The following BDNF variants were observed in gnomAD, a reference collection of about 807,000 sequenced individuals.
The protein encoded by BDNF is brain derived neurotrophic factor.
In BDNF, 1 loss-of-function variant was observed where a neutral mutation model predicts 19.5. The ratio of observed to expected loss-of-function variants is 0.05; its 90% confidence interval spans 0.02 to 0.24. The LOEUF is 0.24. BDNF is among the 10% of genes least tolerant of loss of function. The pLI is 1.00. For missense variants in BDNF, 195 were observed against 317.6 expected (o/e 0.61, Z 2.93); for synonymous variants, 100 against 121.6 (o/e 0.82, Z 1.17).
chr11:27,697,374 C>T (rs563461854), intron 1 of BDNF: 1 of 152,208 alleles, frequency 6.6e-6, no homozygotes, highest in Admixed American at 6.5e-5. Flanking sequence ...CTTAAAGATT[C>T]CAGGAAAAAG....
intron 1 of BDNF, among the ~76,000 whole-genome samples, chr11:27,666,990 A>C (rs892253054): frequency 6.6e-6 from 1 of 152,238 alleles, no homozygotes; most frequent in Non-Finnish European, 1.5e-5. Context: ...AGTTGAAATG[A>C]AGGAAAAAAC....
exon 1 of BDNF, chr11:27,721,873 A>G (rs77559845): frequency 5.5e-6 from 1 of 180,902 alleles, no homozygotes; most frequent in East Asian, 1.4e-4. Flanking sequence ...AAAAAAAAAA[A>G]CTCAGCCTGC....
At chr11:27,690,719 T>G (rs1251103785) in intron 1 of BDNF, among the ~76,000 whole-genome samples, 1 of 152,198 alleles carries the variant, frequency 6.6e-6, no homozygotes, top group Non-Finnish European at 1.5e-5. Flanking sequence ...AAAATAGTAT[T>G]CACTAAACTG....
chr11:27,686,010 C>G (rs143739017), intron 1 of BDNF, among the ~76,000 whole-genome samples: 5 of 152,228 alleles, frequency 3.3e-5, no homozygotes, highest in East Asian at 3.9e-4. Flanking sequence ...AAGTCTCACA[C>G]TATTATTGTG....
intron 1 of BDNF, chr11:27,699,366 G>A (rs1043579355): frequency 9.9e-6 from 16 of 1,613,960 alleles, no homozygotes; most frequent in Middle Eastern, 1.7e-4. Flanking sequence ...TTTCTTTCCA[G>A]GAGTAACTCA....
At chr11:27,677,508 C>T (rs1856294187) in intron 1 of BDNF, 1 of 149,474 alleles carries the variant, frequency 6.7e-6, no homozygotes, top group East Asian at 2.0e-4. Flanking sequence ...TGCACTCCAG[C>T]CTGGGCGACA....
intron 1 of BDNF, among the ~76,000 whole-genome samples, chr11:27,664,086 C>T (rs995738278): frequency 1.3e-5 from 2 of 151,434 alleles, no homozygotes; most frequent in African/African-American, 2.4e-5. Context: ...TACCTGTGAG[C>T]GTGTAATCAG....
At chr11:27,713,075 T>G (rs1860400787) in intron 1 of BDNF, among the ~76,000 whole-genome samples, 1 of 151,074 alleles carries the variant, frequency 6.6e-6, no homozygotes, top group African/African-American at 2.4e-5. Context: ...TTTTTTGTAT[T>G]TTTAGTAGAG....
chr11:27,721,267 T>C, intron 1 of BDNF: 1 of 902,256 alleles, frequency 1.1e-6, no homozygotes, highest in Non-Finnish European at 1.8e-6. Flanking sequence ...CCAATTAAAG[T>C]TGCACTGTGT....
At chr11:27,676,974 T>C (rs1161204164) in intron 1 of BDNF, 1 of 152,258 alleles carries the variant, frequency 6.6e-6, no homozygotes, top group African/African-American at 2.4e-5. Flanking sequence ...TTCAACTTTC[T>C]GCTACAGGAA....
At chr11:27,667,484 A>G (rs1417499561) in intron 1 of BDNF, among the ~76,000 whole-genome samples, 1 of 152,250 alleles carries the variant, frequency 6.6e-6, no homozygotes, top group Non-Finnish European at 1.5e-5. Context: ...AATTGGATAA[A>G]GAGTCAAGAC....
chr11:27,715,919 G>A (rs1860490678), intron 1 of BDNF, among the ~76,000 whole-genome samples: 1 of 152,100 alleles, frequency 6.6e-6, no homozygotes, highest in South Asian at 2.1e-4. Flanking sequence ...TACAAATAAA[G>A]TCTGCACTAT....
In BDNF at chr11:27,658,757, C is replaced by T; in HGVS notation, c.-21-172G>A. The T allele has an allele frequency of 6.7e-7, 1 of 1,503,644 alleles. No individual in the cohort carries two copies. Among genetic ancestry groups the T allele is most frequent in the South Asian group, 1.4e-5 (1 of 73,616 alleles). The allele number at this position is 1,503,644 out of a possible 1,614,324, so 93.1% of individuals were successfully genotyped here. On this transcript the variant is annotated intron_variant, in intron 1 of 1. Transcript: ENST00000356660. This position sits in a 1 kb window ranked among gnomAD's most constrained non-coding sequence, Gnocchi z 5.7. ...GACACAAATCAGTGTCAGTAGTGTG[C>T]TGTATGTGGTTTAATATAAACCAGA...
At position 27,700,310 on chromosome 11, in the gene BDNF, C is replaced by G. The variant is rs1002839031; in HGVS notation, c.-168G>C. ...GCGGTGGGTGTCTCATTAAAGCCCC[C>G]CGAGCAGGAGGTGGAGGGGCGCACC... is the stretch of plus-strand genomic sequence containing the variant. On this transcript the variant is annotated 5_prime_UTR_variant, in exon 1 of 2. Transcript: ENST00000356660. The G allele has an allele frequency of 6.9e-5, 68 of 985,160 alleles. 1 individual carries two copies. In the Admixed American group the frequency reaches 8.0e-4, roughly 12 times the overall value. 61.0% of individuals were successfully genotyped at this position (985,160 alleles called of 1,614,324 possible).
At chr11:27,673,930 A>G in intron 1 of BDNF, 1 of 1,097,338 alleles carries the variant, frequency 9.1e-7, no homozygotes. Flanking sequence ...AAAACAGGTG[A>G]TGGAAGAAAC....
chr11:27,701,256 A>G (rs900771771), upstream of BDNF: 2 of 1,136,506 alleles, frequency 1.8e-6, no homozygotes, highest in African/African-American at 1.6e-5. Flanking sequence ...CTAGCCGACC[A>G]AACAGAAAAA....
rs1590219395 is a variant in BDNF, at chr11:27,658,694, G to C, written c.-21-109C>G. The stretch of plus-strand genomic sequence containing the variant: ...TTCCAGGCCATTCTGCAGGGTCAAG[G>C]TTTTTTTATGTCTTGGTGATAAACT... On this transcript the variant is annotated intron_variant, in intron 1 of 1. Transcript: ENST00000356660. The surrounding 1 kb of genome is among the most constrained non-coding windows in gnomAD (Gnocchi z 5.7). The C allele has an allele frequency of 8.2e-6, 13 of 1,593,372 alleles. No individual in the cohort carries two copies. The highest frequency in any genetic ancestry group is 1.1e-5 in the South Asian group (1 of 88,334).
intron 1 of BDNF, among the ~76,000 whole-genome samples, chr11:27,721,197 C>G (rs1194125384): frequency 1.3e-5 from 2 of 152,078 alleles, no homozygotes; most frequent in African/African-American, 4.8e-5. Flanking sequence ...CACACCCCCC[C>G]ACCCAGCTCC....
intron 1 of BDNF, among the ~76,000 whole-genome samples, chr11:27,664,465 TAAAGGA>T (rs1853987411): frequency 6.6e-6 from 1 of 151,944 alleles, no homozygotes; most frequent in South Asian, 2.1e-4. Context: ...AGTTAGGGAA[TAAAGGA>T]ATGCATTGTC....
Sources: gnomAD v4.1 joint callset for allele counts (sites outside exome capture counted in the v4.1 genomes callset) on GRCh38, gnomAD v4.1.1 for gene constraint, Gnocchi (gnomAD v3.1) non-coding constraint, MANE v1.5 for transcripts, NCBI Gene and HGNC (gene_info 2026-07-23, HGNC 2026-07-21) for gene names.